The following CDH18 variants were observed in gnomAD, a reference collection of about 807,000 sequenced individuals.
CDH18 encodes cadherin-18.
A neutral mutation model predicts 67.9 loss-of-function variants in CDH18; 31 were observed. The observed-to-expected ratio is 0.46, with a 90% confidence interval of 0.34 to 0.62. CDH18 has a LOEUF of 0.62. Among genes scored for constraint, CDH18 ranks in the 20% least tolerant of loss-of-function variants. The pLI is 0.01. For missense variants in CDH18, 890 were observed against 975.5 expected, an observed-to-expected ratio of 0.91 and a Z score of 1.17; for synonymous variants, 362 against 347.2, an observed-to-expected ratio of 1.04 and a Z score of -0.48.
At chr5:19,856,957 TC>T (rs1279222595) in intron 2 of CDH18, among the ~76,000 whole-genome samples, 1 of 152,094 alleles carries the variant, frequency 6.6e-6, no homozygotes, top group Non-Finnish European at 1.5e-5. Context: ...GCAAGATCAC[TC>T]ACGATTGTAA....
chr5:20,501,483 T>C (rs976393282), intron 1 of CDH18, among the ~76,000 whole-genome samples: 1 of 83,834 alleles, frequency 1.2e-5, no homozygotes, highest in Non-Finnish European at 2.4e-5. Flanking sequence ...ATATACATAT[T>C]ATATATATTT....
intron 2 of CDH18, among the ~76,000 whole-genome samples, chr5:19,916,072 T>C (rs893965234): frequency 8.5e-5 from 13 of 152,158 alleles, no homozygotes; most frequent in African/African-American, 3.1e-4. Context: ...GCTTTCTAAC[T>C]GACCTTTCTG....
At chr5:19,636,799 T>C (rs115412085) in intron 5 of CDH18, among the ~76,000 whole-genome samples, 2,884 of 152,204 alleles carry the variant, frequency 0.019, 90 homozygotes, top group African/African-American at 0.064. Context: ...TGCCTTTGGA[T>C]GTTAAGAATG....
intron 7 of CDH18, among the ~76,000 whole-genome samples, chr5:19,578,196 G>A (rs900751519): frequency 3.3e-5 from 5 of 152,186 alleles, no homozygotes; most frequent in African/African-American, 1.2e-4. Flanking sequence ...GGAAACGAAT[G>A]TAAATTTGTC....
chr5:19,498,709 C>T (rs1742743190), intron 11 of CDH18, among the ~76,000 whole-genome samples: 1 of 152,200 alleles, frequency 6.6e-6, no homozygotes, highest in Non-Finnish European at 1.5e-5. Context: ...TTAATTTCCA[C>T]TTTCAATACC....
chr5:20,479,512 T>A (rs753806894), intron 1 of CDH18, among the ~76,000 whole-genome samples: 4 of 152,022 alleles, frequency 2.6e-5, no homozygotes, highest in Non-Finnish European at 4.4e-5. Flanking sequence ...ACTGGCAGAA[T>A]TGATCAAGCA....
At chr5:20,333,230 C>T (rs1356869484) in intron 1 of CDH18, among the ~76,000 whole-genome samples, 7 of 151,830 alleles carry the variant, frequency 4.6e-5, no homozygotes, top group South Asian at 2.1e-4. Context: ...TTCATGTGGC[C>T]GGGCATGGTG....
chr5:20,335,126 C>T (rs1739604066), intron 1 of CDH18, among the ~76,000 whole-genome samples: 1 of 152,120 alleles, frequency 6.6e-6, no homozygotes, highest in Non-Finnish European at 1.5e-5. Context: ...CTAAGTCCCA[C>T]AAAGCCCCTA....
chr5:20,464,573 C>T (rs1414684351), intron 1 of CDH18, among the ~76,000 whole-genome samples: 2 of 152,078 alleles, frequency 1.3e-5, no homozygotes, highest in Non-Finnish European at 2.9e-5. Context: ...ATAGTGGGAA[C>T]TCAGTCATTT....
At chr5:20,501,730 T>C (rs1262425786) in intron 1 of CDH18, among the ~76,000 whole-genome samples, 1 of 144,836 alleles carries the variant, frequency 6.9e-6, no homozygotes, top group African/African-American at 2.5e-5. Flanking sequence ...TGTGTGTGTG[T>C]GTGTGTGTGT....
intron 2 of CDH18, among the ~76,000 whole-genome samples, chr5:19,977,431 G>A (rs1798601116): frequency 6.6e-6 from 1 of 152,134 alleles, no homozygotes; most frequent in South Asian, 2.1e-4. Flanking sequence ...CAGAAACTCA[G>A]ATGGACAATT....
intron 3 of CDH18, among the ~76,000 whole-genome samples, chr5:19,832,451 T>C (rs1245253391): frequency 1.3e-5 from 2 of 152,142 alleles, no homozygotes; most frequent in Non-Finnish European, 1.5e-5. Context: ...AAATGTTTGC[T>C]GGCATTTCTG....
chr5:19,655,462 GTTTC>G (rs1561550643), intron 5 of CDH18, among the ~76,000 whole-genome samples: 1 of 151,530 alleles, frequency 6.6e-6, no homozygotes, highest in Non-Finnish European at 1.5e-5. Flanking sequence ...AAGGAAGAGA[GTTTC>G]TATCTAAACT....
chr5:20,259,732 G>A (rs1744503813), intron 1 of CDH18, among the ~76,000 whole-genome samples: 1 of 152,138 alleles, frequency 6.6e-6, no homozygotes, highest in Admixed American at 6.6e-5. Flanking sequence ...ATTTGTGGAT[G>A]TTCAGCTGCA....
intron 5 of CDH18, among the ~76,000 whole-genome samples, chr5:19,706,162 C>T (rs902592035): frequency 2.6e-5 from 4 of 152,126 alleles, no homozygotes; most frequent in South Asian, 2.1e-4. Context: ...TGCTCAGTTA[C>T]GATTTCATAC....
chr5:20,077,282 C>T (rs1028722879), intron 2 of CDH18, among the ~76,000 whole-genome samples: 37 of 152,282 alleles, frequency 2.4e-4, no homozygotes, highest in South Asian at 8.3e-4. Context: ...TAAACCTTGG[C>T]GTATTGTACT....
At chr5:19,903,537 GTGTGTATATATA>G (rs1790162193) in intron 2 of CDH18, among the ~76,000 whole-genome samples, 1 of 36,040 alleles carries the variant, frequency 2.8e-5, no homozygotes, top group Non-Finnish European at 6.7e-5. Context: ...CTCTGTGTGT[GTGTGTATATATA>G]TATATATATA....
chr5:19,614,053 T>C (rs1347247895), intron 5 of CDH18, among the ~76,000 whole-genome samples: 1 of 152,104 alleles, frequency 6.6e-6, no homozygotes, highest in Non-Finnish European at 1.5e-5. Context: ...ATTATAACTG[T>C]TACCTATAGG....
chr5:19,536,076 T>G (rs1325222295), intron 9 of CDH18, among the ~76,000 whole-genome samples: 2 of 152,150 alleles, frequency 1.3e-5, no homozygotes, highest in African/African-American at 4.8e-5. Flanking sequence ...TTAACAAAAT[T>G]TACTAACCAC....
Sources: allele counts gnomAD v4.1 joint callset (sites outside exome capture counted in the v4.1 genomes callset), GRCh38; gene constraint gnomAD v4.1.1; transcripts MANE v1.5; gene names NCBI Gene and HGNC (gene_info 2026-07-23, HGNC 2026-07-21).